The following EIF3H variants were observed in gnomAD, a reference collection of about 807,000 sequenced individuals.
EIF3H encodes eukaryotic translation initiation factor 3 subunit H, also known as eIF-3-gamma.
A neutral mutation model predicts 44.2 loss-of-function variants in EIF3H; 26 were observed. That is an observed-to-expected ratio of 0.59 (90% confidence interval 0.43 to 0.82). The LOEUF is 0.82. Ranked by LOEUF, EIF3H falls within the 40% of genes least tolerant of loss-of-function variation. EIF3H has a pLI of 0.00. For missense variants in EIF3H, 359 were observed against 432.8 expected, an observed-to-expected ratio of 0.83 and a Z score of 1.51; for synonymous variants, 166 against 151.9, an observed-to-expected ratio of 1.09 and a Z score of -0.68.
chr8:116,721,085 A>C (rs1332151129), intron 2 of EIF3H, among the ~76,000 whole-genome samples: 1 of 152,144 alleles, frequency 6.6e-6, no homozygotes, highest in Non-Finnish European at 1.5e-5. Flanking sequence ...GGAGACCTTC[A>C]CAGCAGCAGC....
At chr8:116,746,019 A>G (rs530845149) in intron 1 of EIF3H, among the ~76,000 whole-genome samples, 4 of 152,278 alleles carry the variant, frequency 2.6e-5, no homozygotes, top group East Asian at 3.9e-4. Flanking sequence ...ACTCTTCCCA[A>G]TGCTCCTTAA....
intron 2 of EIF3H, among the ~76,000 whole-genome samples, chr8:116,710,236 A>G (rs770278345): frequency 6.6e-6 from 1 of 152,244 alleles, no homozygotes; most frequent in Non-Finnish European, 1.5e-5. Context: ...AATGTATTCT[A>G]GAAAGTCTTC....
intron 2 of EIF3H, among the ~76,000 whole-genome samples, chr8:116,696,496 A>T (rs1017411870): frequency 1.3e-5 from 2 of 152,224 alleles, no homozygotes; most frequent in African/African-American, 4.8e-5. Context: ...TTCTTTCCTG[A>T]GACTATTTAA....
At chr8:116,723,281 A>T (rs1470649908) in intron 2 of EIF3H, among the ~76,000 whole-genome samples, 2 of 152,208 alleles carry the variant, frequency 1.3e-5, no homozygotes, top group Non-Finnish European at 2.9e-5. Context: ...TAAACTAGTG[A>T]TTATTTAAAT....
intron 4 of EIF3H, among the ~76,000 whole-genome samples, chr8:116,656,576 A>G (rs887628774): frequency 2.0e-4 from 31 of 152,346 alleles, no homozygotes; most frequent in South Asian, 4.1e-4. Context: ...ACTTTTTAGG[A>G]GCCAAATGGG....
At chr8:116,667,171 A>G (rs558652644) in intron 2 of EIF3H, among the ~76,000 whole-genome samples, 2 of 152,226 alleles carry the variant, frequency 1.3e-5, no homozygotes, top group Non-Finnish European at 2.9e-5. Flanking sequence ...TTTGGCTCCA[A>G]GCCAAATCAA....
At chr8:116,660,037 C>T (rs762615382) in intron 2 of EIF3H, among the ~76,000 whole-genome samples, 42 of 152,066 alleles carry the variant, frequency 2.8e-4, no homozygotes, top group Admixed American at 7.9e-4. Context: ...CAGGTGTGAA[C>T]CACCGCACCC....
At chr8:116,751,143 C>T (rs1815331640) in intron 1 of EIF3H, among the ~76,000 whole-genome samples, 1 of 151,460 alleles carries the variant, frequency 6.6e-6, no homozygotes, top group South Asian at 2.1e-4. Flanking sequence ...ACCCGGGAGG[C>T]GGAGCTTGCA....
At chr8:116,716,067 A>G (rs1319618652) in intron 2 of EIF3H, among the ~76,000 whole-genome samples, 3 of 152,122 alleles carry the variant, frequency 2.0e-5, no homozygotes, top group African/African-American at 7.2e-5. Flanking sequence ...CAGAAAACTT[A>G]TAATAACAGT....
chr8:116,646,563 C>T lies in EIF3H; in HGVS notation c.869G>A (p.Ser290Asn). The part of the protein sequence containing the change: ...RRQQENMQRQ[S>N]RGEPPLPEED... ...CTCAGGGAGCGGGGGTTCTCCTCGGCTCTGGCGCTGCATATTCTCCTGCTG... is the reference window on the plus strand; with the variant it reads ...CTCAGGGAGCGGGGGTTCTCCTCGGTTCTGGCGCTGCATATTCTCCTGCTG... The change falls in exon 7 of 8, where the codon AGC becomes AAC. Residue 290 changes from serine (S) to asparagine (N), a missense_variant. Transcript: ENST00000521861. The T allele has an allele frequency of 1.2e-6, 2 of 1,614,144 alleles. No individual in the cohort carries two copies. The highest frequency in any genetic ancestry group is 1.7e-6 in the Non-Finnish European group (2 of 1,180,014).
chr8:116,647,729 T>C (rs1462986374), intron 6 of EIF3H, among the ~76,000 whole-genome samples: 1 of 152,214 alleles, frequency 6.6e-6, no homozygotes, highest in Non-Finnish European at 1.5e-5. Context: ...CAATTCTTTC[T>C]AGTGAAGGAA....
chr8:116,725,996 C>T lies in EIF3H; in HGVS notation c.289+20G>A, dbSNP rs1814829724. The T allele has an allele frequency of 1.2e-6, 2 of 1,609,458 alleles. No homozygotes were observed. The highest frequency in any genetic ancestry group is 1.7e-6 in the Non-Finnish European group (2 of 1,177,452). On this transcript the variant is annotated intron_variant, in intron 2 of 7. Coordinates refer to ENST00000521861, the MANE Select transcript of EIF3H (RefSeq NM_003756.3). The stretch of plus-strand genomic sequence containing the variant: ...CATTTGTATGCACTGCAAAGACACA[C>T]TTGTGATGAACACCCTTACCTTCAT...
chr8:116,667,985 A>G (rs184711276), intron 2 of EIF3H, among the ~76,000 whole-genome samples: 18 of 152,320 alleles, frequency 1.2e-4, no homozygotes, highest in African/African-American at 3.6e-4. Flanking sequence ...AAAGTCCCAT[A>G]GGTACCACAC....
intron 2 of EIF3H, among the ~76,000 whole-genome samples, chr8:116,707,664 C>T (rs1814493893): frequency 6.6e-6 from 1 of 152,092 alleles, no homozygotes; most frequent in Non-Finnish European, 1.5e-5. Context: ...TCTTTTCATT[C>T]TCATTGCTAC....
intron 2 of EIF3H, among the ~76,000 whole-genome samples, chr8:116,675,301 T>C (rs1476385476): frequency 1.3e-5 from 2 of 152,204 alleles, no homozygotes; most frequent in Non-Finnish European, 2.9e-5. Context: ...ATCATCAAAC[T>C]CCTAGATTCT....
intron 2 of EIF3H, 96 bp downstream of exon 2, chr8:116,725,920 A>G (rs997739052): frequency 2.1e-6 from 3 of 1,396,340 alleles, no homozygotes; most frequent in African/African-American, 2.9e-5. Context: ...AGCCTGACAG[A>G]TTCCCAATTC....
At chr8:116,755,618 G>A in intron 1 of EIF3H, 48 bp downstream of exon 1, 2 of 1,610,934 alleles carry the variant, frequency 1.2e-6, no homozygotes, top group Non-Finnish European at 8.5e-7. Flanking sequence ...GGACGGGGCT[G>A]GGAACTGCGC....
chr8:116,644,902 GA>G lies in EIF3H; in HGVS notation c.*103del. The G allele has an allele frequency of 3.3e-6, 3 of 912,620 alleles. No individual in the cohort carries two copies. Among genetic ancestry groups the G allele is most frequent in the Non-Finnish European group, 5.0e-6 (3 of 596,376 alleles). The allele number at this position is 912,620 out of a possible 1,614,324, so 56.5% of individuals were successfully genotyped here. On this transcript the variant is annotated 3_prime_UTR_variant, in exon 8 of 8. Transcript: ENST00000521861. ...AGCCAAAATCGGCAATGACACTAAA[GA>G]AATCCTCTGTGCTTTTCAATATGCA...
chr8:116,714,586 AC>A (rs1315258655), intron 2 of EIF3H, among the ~76,000 whole-genome samples: 1 of 152,000 alleles, frequency 6.6e-6, no homozygotes, highest in Non-Finnish European at 1.5e-5. Flanking sequence ...TCCACACTTG[AC>A]CACAACGATA....
Sources: allele counts gnomAD v4.1 joint callset (sites outside exome capture counted in the v4.1 genomes callset), GRCh38; gene constraint gnomAD v4.1.1; transcripts MANE v1.5; gene names NCBI Gene and HGNC (gene_info 2026-07-23, HGNC 2026-07-21).